Variants in LRP1B observed in about 807,000 individuals in gnomAD.
LRP1B encodes low-density lipoprotein receptor-related protein 1B.
Under a neutral mutation model 556.6 loss-of-function variants are expected in LRP1B, and 217 were observed. The observed-to-expected ratio is 0.39, with a 90% CI of 0.35 to 0.44. The LOEUF is 0.44. Among genes scored for constraint, LRP1B ranks in the 20% least tolerant of loss-of-function variants. LRP1B has a pLI of 1.00. For synonymous variants in LRP1B, 2,047 were observed against 1,865.8 expected, an observed-to-expected ratio of 1.10 and a Z score of -2.50; for missense variants, 5,053 against 5,620.8, an observed-to-expected ratio of 0.90 and a Z score of 3.23.
At chr2:141,432,746 A>C (rs918651473) in intron 3 of LRP1B, among the ~76,000 whole-genome samples, 9 of 151,960 alleles carry the variant, frequency 5.9e-5, no homozygotes, top group African/African-American at 2.2e-4. Context: ...AGATTGAGTA[A>C]TGATGTCCCC....
intron 3 of LRP1B, among the ~76,000 whole-genome samples, chr2:141,288,565 A>G (rs1291144727): frequency 1.3e-5 from 2 of 152,150 alleles, no homozygotes; most frequent in Non-Finnish European, 2.9e-5. Context: ...ATGAAGATTA[A>G]GCCAAACTTC....
intron 7 of LRP1B, among the ~76,000 whole-genome samples, chr2:141,077,548 G>A (rs974953591): frequency 1.3e-4 from 20 of 152,064 alleles, no homozygotes; most frequent in Non-Finnish European, 2.5e-4. Flanking sequence ...CTGTTTTGAG[G>A]GTACTTCGTG....
chr2:141,038,655 T>C (rs553710534), intron 11 of LRP1B, among the ~76,000 whole-genome samples: 2 of 152,252 alleles, frequency 1.3e-5, no homozygotes, highest in Non-Finnish European at 2.9e-5. Flanking sequence ...TGCTTCCTAC[T>C]TTGGTATCCC....
chr2:140,247,230 G>A (rs1025897030), intron 86 of LRP1B, 68 bp from the exon 87 acceptor site: 67 of 1,097,144 alleles, frequency 6.1e-5, no homozygotes, highest in Non-Finnish European at 7.8e-5. Flanking sequence ...AGCTAATGTA[G>A]TAACTTTAAC....
At chr2:141,828,079 AC>A (rs1209079976) in intron 1 of LRP1B, among the ~76,000 whole-genome samples, 2 of 152,062 alleles carry the variant, frequency 1.3e-5, no homozygotes, top group African/African-American at 4.8e-5. Flanking sequence ...TCTTCATTTG[AC>A]ACTTTGAAAT....
At chr2:140,870,211 A>G (rs567814225) in intron 25 of LRP1B, among the ~76,000 whole-genome samples, 1 of 152,132 alleles carries the variant, frequency 6.6e-6, no homozygotes, top group African/African-American at 2.4e-5. Context: ...GCTCTGAGAG[A>G]TTTTCTGAGA....
chr2:140,553,113 C>T (rs1204815545), intron 43 of LRP1B, among the ~76,000 whole-genome samples: 1 of 152,050 alleles, frequency 6.6e-6, no homozygotes, highest in Non-Finnish European at 1.5e-5. Flanking sequence ...CTGATTGCCT[C>T]ATTGACAAGA....
chr2:140,338,873 C>T (rs535174896), intron 77 of LRP1B, among the ~76,000 whole-genome samples: 12 of 151,646 alleles, frequency 7.9e-5, no homozygotes, highest in Non-Finnish European at 1.0e-4. Context: ...AAAAATTTCA[C>T]TTGCCCCATT....
intron 2 of LRP1B, among the ~76,000 whole-genome samples, chr2:141,501,215 C>A (rs1156483932): frequency 6.6e-6 from 1 of 151,988 alleles, no homozygotes; most frequent in Non-Finnish European, 1.5e-5. Context: ...GTAAATTTCA[C>A]AAATTTTATT....
At chr2:141,547,458 T>C (rs1371845728) in intron 2 of LRP1B, among the ~76,000 whole-genome samples, 1 of 152,176 alleles carries the variant, frequency 6.6e-6, no homozygotes, top group Non-Finnish European at 1.5e-5. Context: ...TAAAAACTCT[T>C]TGACAGTCCT....
intron 1 of LRP1B, among the ~76,000 whole-genome samples, chr2:141,965,853 C>G (rs1168135388): frequency 6.8e-6 from 1 of 147,008 alleles, no homozygotes; most frequent in Non-Finnish European, 1.5e-5. Context: ...AAGCCTTGGC[C>G]AACTCTCAGA....
At chr2:141,260,619 G>A (rs1353594825) in intron 3 of LRP1B, among the ~76,000 whole-genome samples, 1 of 152,228 alleles carries the variant, frequency 6.6e-6, no homozygotes, top group South Asian at 2.1e-4. Flanking sequence ...TATAGCTATC[G>A]GATCAACCAT....
chr2:140,972,876 C>G (rs376077164), intron 18 of LRP1B, among the ~76,000 whole-genome samples: 1 of 150,174 alleles, frequency 6.7e-6, no homozygotes, highest in Non-Finnish European at 1.5e-5. Context: ...TATAATGACA[C>G]TATTTGGTCA....
intron 41 of LRP1B, among the ~76,000 whole-genome samples, chr2:140,693,697 TA>T (rs1686324451): frequency 6.6e-6 from 1 of 151,742 alleles, no homozygotes; most frequent in African/African-American, 2.4e-5. Flanking sequence ...AAGATCACAT[TA>T]CTTTTTTTGG....
intron 3 of LRP1B, among the ~76,000 whole-genome samples, chr2:141,337,134 G>A (rs1368371642): frequency 1.3e-5 from 2 of 152,156 alleles, no homozygotes; most frequent in African/African-American, 4.8e-5. Context: ...TTCCAGAGTG[G>A]CTGTACCATT....
intron 3 of LRP1B, among the ~76,000 whole-genome samples, chr2:141,455,948 C>A (rs1681612887): frequency 6.6e-6 from 1 of 152,160 alleles, no homozygotes; most frequent in African/African-American, 2.4e-5. Flanking sequence ...GTATTACTGC[C>A]CATGTGATAA....
chr2:141,970,886 C>T (rs2105074559), intron 1 of LRP1B, among the ~76,000 whole-genome samples: 1 of 151,666 alleles, frequency 6.6e-6, no homozygotes, highest in African/African-American at 2.4e-5. Context: ...TTCATGACCA[C>T]AGTCTTTTTC....
chr2:141,985,656 G>T (rs949064707), intron 1 of LRP1B, among the ~76,000 whole-genome samples: 4 of 151,464 alleles, frequency 2.6e-5, no homozygotes, highest in Admixed American at 2.0e-4. Flanking sequence ...AGGTAAAAAT[G>T]TGATGAGAAT....
intron 2 of LRP1B, among the ~76,000 whole-genome samples, chr2:141,804,960 G>C (rs1468640218): frequency 6.6e-6 from 1 of 151,944 alleles, no homozygotes; most frequent in Non-Finnish European, 1.5e-5. Context: ...GAGAGTGAAG[G>C]GACACTGTGG....
Sources: allele counts gnomAD v4.1 joint callset (sites outside exome capture counted in the v4.1 genomes callset), GRCh38; gene constraint gnomAD v4.1.1; transcripts MANE v1.5; gene names NCBI Gene and HGNC (gene_info 2026-07-23, HGNC 2026-07-21).